Variants in ZSCAN31 observed in about 807,000 individuals in gnomAD.
ZSCAN31 encodes the protein zinc finger and SCAN domain-containing protein 31.
In ZSCAN31, 14 loss-of-function variants were observed where a neutral mutation model predicts 22.5. That is an observed-to-expected ratio of 0.62 (90% CI 0.41 to 0.97). ZSCAN31 has a LOEUF of 0.97. Among genes scored for constraint, ZSCAN31 ranks in the 50% least tolerant of loss-of-function variants. The pLI is 0.00. For missense variants in ZSCAN31, 424 were observed against 483.4 expected (o/e 0.88, Z 1.15); for synonymous variants, 168 against 169.8 (o/e 0.99, Z 0.08).
At chr6:28,356,017 C>G (rs906143265), upstream of ZSCAN31, 7 of 152,252 alleles carry the variant, frequency 4.6e-5, no homozygotes, top group Admixed American at 2.0e-4. Context: ...ATGCCGAGGT[C>G]CAAAGATACA....
intron 1 of ZSCAN31, among the ~76,000 whole-genome samples, chr6:28,334,873 T>C (rs1764020461): frequency 6.6e-6 from 1 of 152,214 alleles, no homozygotes; most frequent in Non-Finnish European, 1.5e-5. Flanking sequence ...CTTGTGGTTA[T>C]GTAGGGAAAT....
At chr6:28,355,851 A>G (rs1765386678), upstream of ZSCAN31, among the ~76,000 whole-genome samples, 1 of 152,182 alleles carries the variant, frequency 6.6e-6, no homozygotes, top group Non-Finnish European at 1.5e-5. Context: ...GGCCAAGTCC[A>G]CCACACAGTG....
At chr6:28,353,583 T>C (rs761952253) in intron 2 of ZSCAN31, 11 of 271,438 alleles carry the variant, frequency 4.1e-5, no homozygotes, top group Non-Finnish European at 7.4e-5. Context: ...AAGGAGTAGA[T>C]TAGGAAGCAA....
upstream of ZSCAN31, chr6:28,355,925 G>A (rs13198809): frequency 0.049 from 7,475 of 152,400 alleles, 312 homozygotes; most frequent in Non-Finnish European, 0.088. Flanking sequence ...CAGCTGCCAA[G>A]CCGTGCAAAA....
intron 2 of ZSCAN31, among the ~76,000 whole-genome samples, chr6:28,345,252 G>A (rs541906591): frequency 6.6e-6 from 1 of 152,042 alleles, no homozygotes; most frequent in East Asian, 1.9e-4. Context: ...TATAAGAGTG[G>A]GAAGAAAGTC....
chr6:28,339,796 G>A (rs898200320), upstream of ZSCAN31, among the ~76,000 whole-genome samples: 21 of 152,126 alleles, frequency 1.4e-4, no homozygotes, highest in African/African-American at 5.1e-4. Flanking sequence ...TAAGAGATGG[G>A]GAGTCAGAAA....
intron 1 of ZSCAN31, among the ~76,000 whole-genome samples, chr6:28,332,623 T>C (rs1339543318): frequency 6.6e-6 from 1 of 152,230 alleles, no homozygotes; most frequent in Admixed American, 6.5e-5. Flanking sequence ...TAAAGTAGTA[T>C]TAGTAAATTG....
upstream of ZSCAN31, among the ~76,000 whole-genome samples, chr6:28,338,183 G>A (rs1764276664): frequency 6.6e-6 from 1 of 152,324 alleles, no homozygotes; most frequent in Non-Finnish European, 1.5e-5. Flanking sequence ...CAGATTGCAT[G>A]AGCTCAGGAG....
chr6:28,325,490 A>G lies in ZSCAN31; in HGVS notation c.*676T>C, dbSNP rs954500742. 2.7e-4 allele frequency: 41 copies of G among 152,178 alleles called. No homozygotes were observed. The highest frequency in any genetic ancestry group is 1.5e-4 in the Non-Finnish European group (10 of 68,046). The allele number at this position is 152,178 out of a possible 1,614,324, so 9.4% of individuals were successfully genotyped here. A position where few individuals can be genotyped will look rare whatever the true frequency, so the allele number is the denominator to read the frequency against. On this transcript the variant is annotated 3_prime_UTR_variant, in exon 4 of 4. Transcript: ENST00000344279. ...TCATATTAACTCATGATATCAACATATATATTGATTCGTATCAAAAACATG... is the reference window on the plus strand; with the variant it reads ...TCATATTAACTCATGATATCAACATGTATATTGATTCGTATCAAAAACATG...
At chr6:28,345,464 G>A (rs1440979207) in intron 2 of ZSCAN31, among the ~76,000 whole-genome samples, 6 of 152,116 alleles carry the variant, frequency 3.9e-5, no homozygotes, top group Non-Finnish European at 5.9e-5. Context: ...GTCCCTCCCC[G>A]CTCAGTGGTG....
chr6:28,353,740 T>C lies in ZSCAN31; in HGVS notation c.-371+122A>G, dbSNP rs374856990. On this transcript the variant is annotated intron_variant, in intron 2 of 7. Coordinates refer to the ZSCAN31 transcript ENST00000396838. ...AACCTTGCGAGTGATTAAAGATAGT[T>C]CTGGGGAAGACTGTGGATAGAGAAA... The C allele has an allele frequency of 5.0e-5, 22 of 438,324 alleles. No individual in the cohort carries two copies. The East Asian group carries it at 1.6e-3, about 31-fold the overall frequency. The allele number at this position is 438,324 out of a possible 1,614,324, so 27.2% of individuals were successfully genotyped here. A position where few individuals can be genotyped will look rare whatever the true frequency, so the allele number is the denominator to read the frequency against.
upstream of ZSCAN31, among the ~76,000 whole-genome samples, chr6:28,336,607 A>C (rs67340775): frequency 0.061 from 9,253 of 152,136 alleles, 367 homozygotes; most frequent in Non-Finnish European, 0.088. Context: ...CCAACTGGGG[A>C]CAGATGTGGT....
intron 1 of ZSCAN31, among the ~76,000 whole-genome samples, chr6:28,330,921 G>A (rs1763687416): frequency 6.6e-6 from 1 of 152,150 alleles, no homozygotes; most frequent in Non-Finnish European, 1.5e-5. Flanking sequence ...GCAGAGAAAG[G>A]AAGGTATCCG....
chr6:28,350,366 T>C (rs1333458187), intron 2 of ZSCAN31: 1 of 152,124 alleles, frequency 6.6e-6, no homozygotes, highest in East Asian at 1.9e-4. Flanking sequence ...AGCCGTTACA[T>C]TTTTGCACTG....
At chr6:28,355,288 C>T (rs576658038), upstream of ZSCAN31, 1 of 152,248 alleles carries the variant, frequency 6.6e-6, no homozygotes, top group Admixed American at 6.5e-5. Flanking sequence ...CTGTGCCATC[C>T]CAGTGTGTGG....
rs1272228642 is a variant in ZSCAN31 at position 28,329,581 on chromosome 6, G to C, written c.103C>G (p.Gln35Glu). The C allele has an allele frequency of 6.2e-7, 1 of 1,614,108 alleles. No homozygotes were observed. Among genetic ancestry groups the C allele is most frequent in the Admixed American group, 1.7e-5 (1 of 60,008 alleles). Reference protein sequence around the residue: ...THLRGNNFSGQEASRQLFRQF... With the variant: ...THLRGNNFSGEEASRQLFRQF... ...CTAAAAAGTTGTCGGGAGGCTTCTT[G>C]GCCAGAAAAGTTGTTCCCTCGAAGG... Residue 35 changes from glutamine (Q) to glutamate (E), a missense_variant, in exon 2 of 4, where the codon CAA (glutamine) becomes GAA (glutamate). Gln to Glu is a conservative substitution (Grantham distance 29). Transcript: ENST00000344279.
At position 28,349,659 on chromosome 6, in the gene ZSCAN31, A is replaced by G. The variant is rs1764838842; in HGVS notation, c.-371+4203T>C. On this transcript the variant is annotated intron_variant, in intron 2 of 7. Coordinates refer to the ZSCAN31 transcript ENST00000396838. This position sits in a 1 kb window ranked among gnomAD's most constrained non-coding sequence, Gnocchi z 4.1. ...GACCGTTCACCTCTCGTAGGTAACC[A>G]CCATTATTAATTTTCCGATTTTTCC... is the stretch of plus-strand genomic sequence containing the variant. 6.6e-6 allele frequency among the ~76,000 whole-genome samples: 1 copy of G among 152,184 alleles called. No homozygotes were observed. Among genetic ancestry groups the G allele is most frequent in the Admixed American group, 6.5e-5 (1 of 15,278 alleles).
Position 28,351,170 on chromosome 6 carries a change from T to C in ZSCAN31, c.-371+2692A>G, listed in dbSNP as rs550907518. ...ATATTTACTGATTTGATAAATACTT[T>C]GTGTTGGCAACCAATTTCCCAATCT... On this transcript the variant is annotated intron_variant, in intron 2 of 7. Coordinates refer to the ZSCAN31 transcript ENST00000396838. The surrounding 1 kb of genome is among the most constrained non-coding windows in gnomAD (Gnocchi z 4.6). Among the ~76,000 whole-genome samples, 41 of 152,340 alleles carry C rather than the reference T, an allele frequency of 2.7e-4. No individual in the cohort carries two copies. The South Asian group carries it at 7.9e-3, about 29-fold the overall frequency.
At chr6:28,353,637 C>A (rs1043830501) in intron 2 of ZSCAN31, among the ~76,000 whole-genome samples, 1 of 152,090 alleles carries the variant, frequency 6.6e-6, no homozygotes, top group Admixed American at 6.6e-5. Context: ...GATTTGTTTG[C>A]AAGATTTCCA....
Sources: gnomAD v4.1 joint callset for allele counts (sites outside exome capture counted in the v4.1 genomes callset) on GRCh38, gnomAD v4.1.1 for gene constraint, Gnocchi (gnomAD v3.1) non-coding constraint, MANE v1.5 for transcripts, NCBI Gene and HGNC (gene_info 2026-07-23, HGNC 2026-07-21) for gene names.